COL5A2: variants seen among roughly 807,000 people sequenced by gnomAD.
COL5A2 encodes collagen type V alpha 2 chain.
A neutral mutation model predicts 208.2 loss-of-function variants in COL5A2; 23 were observed. That is an observed-to-expected ratio of 0.11 (90% CI 0.08 to 0.16). The LOEUF is 0.16. Ranked by LOEUF, COL5A2 falls within the 10% of genes least tolerant of loss-of-function variation. COL5A2 has a pLI of 1.00. For synonymous variants in COL5A2, 625 were observed against 628.5 expected (o/e 0.99, Z 0.08); for missense variants, 1,590 against 1,956.4 (o/e 0.81, Z 3.53).
chr2:189,396,190 A>G, the COL5A2 span, among the ~76,000 whole-genome samples: 138 of 152,310 alleles, frequency 9.1e-4, 2 homozygotes, highest in East Asian at 0.025. Flanking sequence ...TAAAAGCTAA[A>G]GTGTGTGATC....
the COL5A2 span, among the ~76,000 whole-genome samples, chr2:189,434,345 G>A: frequency 6.6e-6 from 1 of 152,176 alleles, no homozygotes; most frequent in Non-Finnish European, 1.5e-5. Context: ...TCAGGCAAGA[G>A]AAAGAAATAA....
At chr2:189,416,544 C>G in the COL5A2 span, among the ~76,000 whole-genome samples, 1 of 152,076 alleles carries the variant, frequency 6.6e-6, no homozygotes, top group African/African-American at 2.4e-5. Context: ...GGGAACATCA[C>G]ACACCGGGGA....
chr2:189,415,402 G>A, the COL5A2 span, among the ~76,000 whole-genome samples: 5 of 151,982 alleles, frequency 3.3e-5, no homozygotes, highest in African/African-American at 1.2e-4. Context: ...TGGTCTAAAC[G>A]ATGGTCTTTT....
the COL5A2 span, among the ~76,000 whole-genome samples, chr2:189,372,082 C>T: frequency 6.6e-6 from 1 of 152,166 alleles, no homozygotes; most frequent in African/African-American, 2.4e-5. Flanking sequence ...CTCCCCACAT[C>T]CCAGTTGCTC....
the COL5A2 span, among the ~76,000 whole-genome samples, chr2:189,428,057 C>T: frequency 2.0e-5 from 3 of 152,104 alleles, no homozygotes; most frequent in African/African-American, 4.8e-5. Flanking sequence ...TGTGGACTTT[C>T]GAGTTAATGC....
At chr2:189,253,548 G>A in the COL5A2 span, among the ~76,000 whole-genome samples, 1 of 152,190 alleles carries the variant, frequency 6.6e-6, no homozygotes, top group East Asian at 1.9e-4. Context: ...AATTTGTTGA[G>A]CATTCCTTAT....
chr2:189,107,614 A>C (rs1687176772), intron 2 of COL5A2, among the ~76,000 whole-genome samples: 1 of 151,536 alleles, frequency 6.6e-6, no homozygotes, highest in Admixed American at 6.6e-5. Flanking sequence ...AAAGATGCTA[A>C]ATGCACATAC....
the COL5A2 span, among the ~76,000 whole-genome samples, chr2:189,293,478 T>C: frequency 2.0e-5 from 3 of 152,192 alleles, no homozygotes; most frequent in Non-Finnish European, 1.5e-5. Flanking sequence ...ACTGGTTTAA[T>C]AATACACTAT....
At chr2:189,358,352 A>G in the COL5A2 span, among the ~76,000 whole-genome samples, 1 of 152,186 alleles carries the variant, frequency 6.6e-6, no homozygotes, top group African/African-American at 2.4e-5. Context: ...CTAACAAAAC[A>G]TTTATTTTGC....
At chr2:189,037,400 A>T (rs184990791) in intron 51 of COL5A2, among the ~76,000 whole-genome samples, 13 of 152,348 alleles carry the variant, frequency 8.5e-5, no homozygotes, top group Non-Finnish European at 1.9e-4. Context: ...GTGTGTGTAT[A>T]CATATATTTG....
At chr2:189,097,188 A>G (rs1686936115) in intron 6 of COL5A2, 89 bp downstream of exon 6, 3 of 1,220,854 alleles carry the variant, frequency 2.5e-6, no homozygotes, top group Non-Finnish European at 3.6e-6. Flanking sequence ...AAAGAGGAAT[A>G]GTGCTCCCAG....
chr2:189,341,375 T>G, the COL5A2 span, among the ~76,000 whole-genome samples: 2 of 152,184 alleles, frequency 1.3e-5, no homozygotes, highest in Non-Finnish European at 2.9e-5. Context: ...ATTGCTGGCA[T>G]TCTAGTGACG....
intron 1 of COL5A2, among the ~76,000 whole-genome samples, chr2:189,161,274 T>C (rs1402977589): frequency 6.6e-6 from 1 of 152,108 alleles, no homozygotes; most frequent in African/African-American, 2.4e-5. Context: ...ATGCCATTCT[T>C]TCTCACTGTA....
At chr2:189,265,741 C>T in the COL5A2 span, among the ~76,000 whole-genome samples, 3 of 152,096 alleles carry the variant, frequency 2.0e-5, no homozygotes, top group Non-Finnish European at 2.9e-5. Context: ...TTATCATTAG[C>T]CACCAGGAAA....
chr2:189,150,639 C>T (rs778992788), intron 1 of COL5A2, among the ~76,000 whole-genome samples: 26 of 151,970 alleles, frequency 1.7e-4, no homozygotes, highest in Non-Finnish European at 3.2e-4. Flanking sequence ...TTTAAAAAAC[C>T]GTGAAAGATA....
the COL5A2 span, among the ~76,000 whole-genome samples, chr2:189,369,640 G>A: frequency 6.6e-6 from 1 of 152,026 alleles, no homozygotes. Context: ...AAGGACATTT[G>A]TACTGATAAA....
At chr2:189,362,652 A>C in the COL5A2 span, among the ~76,000 whole-genome samples, 952 of 152,236 alleles carry the variant, frequency 6.3e-3, 11 homozygotes, top group African/African-American at 0.021. Flanking sequence ...TTAACTACCA[A>C]ATGTGAACAA....
the COL5A2 span, among the ~76,000 whole-genome samples, chr2:189,388,194 G>A: frequency 8.3e-4 from 127 of 152,242 alleles, 1 homozygote; most frequent in African/African-American, 3.0e-3. Flanking sequence ...TCTCCTGGAG[G>A]ACGATAAGAT....
intron 1 of COL5A2, among the ~76,000 whole-genome samples, chr2:189,188,753 T>G (rs189022239): frequency 6.6e-6 from 1 of 152,340 alleles, no homozygotes; most frequent in Non-Finnish European, 1.5e-5. Flanking sequence ...TCTCAACAAA[T>G]AAGGAGTCAT....
Sources: allele counts gnomAD v4.1 joint callset (sites outside exome capture counted in the v4.1 genomes callset), GRCh38; gene constraint gnomAD v4.1.1; transcripts MANE v1.5; gene names NCBI Gene and HGNC (gene_info 2026-07-23, HGNC 2026-07-21).